The following SLIT2 variants were observed in gnomAD, a reference collection of about 807,000 sequenced individuals.
SLIT2 encodes slit guidance ligand 2, also known as slit homolog 2 protein.
In SLIT2, 41 loss-of-function variants were observed where a neutral mutation model predicts 185.7. The observed-to-expected ratio is 0.22, with a 90% confidence interval of 0.17 to 0.29. The LOEUF (loss-of-function observed/expected upper bound fraction) is 0.29, where lower values mean the gene tolerates loss of function less well. Ranked by LOEUF, SLIT2 falls within the 10% of genes least tolerant of loss-of-function variation. The pLI is 1.00. For synonymous variants in SLIT2, 693 were observed against 680.2 expected (o/e 1.02, Z -0.29); for missense variants, 1,571 against 1,909.0 (o/e 0.82, Z 3.30).
Position 20,253,653 on chromosome 4 carries a change from T to TAAAAAA in SLIT2, c.-163_-162insAAAAAA. 3.0e-6 allele frequency: 2 copies of TAAAAAA among 674,196 alleles called. No individual in the cohort carries two copies. Among genetic ancestry groups the TAAAAAA allele is most frequent in the Non-Finnish European group, 4.6e-6 (2 of 431,646 alleles). 41.8% of individuals were successfully genotyped at this position (674,196 alleles called of 1,614,324 possible). A position where few individuals can be genotyped will look rare whatever the true frequency, so the allele number is the denominator to read the frequency against. On this transcript the variant is annotated 5_prime_UTR_variant, in exon 1 of 37. Coordinates refer to ENST00000504154, the MANE Select transcript of SLIT2 (RefSeq NM_004787.4). Reference sequence around the variant, plus strand: ...GGGCGGTGGGAGGCGTGTGCCTGAGTGGGCTCTACTGCCTTGTTCCATATT... The same window carrying TAAAAAA: ...GGGCGGTGGGAGGCGTGTGCCTGAGTAAAAAAGGGCTCTACTGCCTTGTTCCATATT...
intron 4 of SLIT2, among the ~76,000 whole-genome samples, chr4:20,401,326 AG>A (rs767313543): frequency 2.0e-5 from 3 of 152,018 alleles, no homozygotes; most frequent in South Asian, 4.2e-4. Context: ...TGTTGAAACA[AG>A]TTTTGCTAGC....
intron 18 of SLIT2, 75 bp from the exon 19 acceptor site, chr4:20,539,366 A>G (rs1437902268): frequency 2.3e-6 from 3 of 1,333,128 alleles, no homozygotes; most frequent in East Asian, 4.8e-5. Context: ...TGCAAGGATC[A>G]TTTCGATCCT....
At chr4:20,592,612 A>G (rs1288098214) in intron 30 of SLIT2, among the ~76,000 whole-genome samples, 1 of 152,142 alleles carries the variant, frequency 6.6e-6, no homozygotes, top group Non-Finnish European at 1.5e-5. Flanking sequence ...GCTATGGTGG[A>G]TGTGTTGTTC....
chr4:20,398,384 C>G (rs1459020160), intron 4 of SLIT2, among the ~76,000 whole-genome samples: 1 of 151,684 alleles, frequency 6.6e-6, no homozygotes, highest in Non-Finnish European at 1.5e-5. Flanking sequence ...GAAGCTGGTT[C>G]GAGAGTCCTG....
chr4:20,324,724 A>G (rs1257512736), intron 4 of SLIT2, among the ~76,000 whole-genome samples: 1 of 152,174 alleles, frequency 6.6e-6, no homozygotes, highest in Admixed American at 6.5e-5. Context: ...ACTTCAAAAC[A>G]TCATGTTGTA....
intron 4 of SLIT2, among the ~76,000 whole-genome samples, chr4:20,280,933 A>C (rs1356756321): frequency 1.3e-5 from 2 of 151,152 alleles, no homozygotes; most frequent in South Asian, 4.2e-4. Flanking sequence ...CCTGGGTTCA[A>C]GCGATTCTCC....
intron 4 of SLIT2, among the ~76,000 whole-genome samples, chr4:20,445,022 A>T (rs949159359): frequency 2.0e-5 from 3 of 152,112 alleles, no homozygotes; most frequent in African/African-American, 4.8e-5. Flanking sequence ...TCAATATCTC[A>T]TGCATCAAAT....
chr4:20,560,710 GAC>G (rs1724622734), intron 26 of SLIT2, among the ~76,000 whole-genome samples: 1 of 151,856 alleles, frequency 6.6e-6, no homozygotes, highest in Non-Finnish European at 1.5e-5. Flanking sequence ...TTATTTGAAA[GAC>G]ATTTATTAAA....
intron 4 of SLIT2, among the ~76,000 whole-genome samples, chr4:20,285,511 G>T (rs937138450): frequency 1.1e-4 from 16 of 152,248 alleles, no homozygotes; most frequent in Non-Finnish European, 1.9e-4. Context: ...GCAGCAGGCA[G>T]GCTGTAGGGC....
intron 34 of SLIT2, among the ~76,000 whole-genome samples, chr4:20,611,775 A>C (rs1176523389): frequency 6.6e-6 from 1 of 152,200 alleles, no homozygotes; most frequent in Non-Finnish European, 1.5e-5. Flanking sequence ...GATCTTAGGA[A>C]ATAGGTATGA....
At chr4:20,536,767 TTTACTC>T (rs544280225) in intron 18 of SLIT2, among the ~76,000 whole-genome samples, 116 of 136,930 alleles carry the variant, frequency 8.5e-4, no homozygotes, top group Non-Finnish European at 1.4e-3. Flanking sequence ...TATAAATTTT[TTTACTC>T]TTATATTTAT....
At chr4:20,440,668 C>A (rs1023696486) in intron 4 of SLIT2, among the ~76,000 whole-genome samples, 4 of 152,120 alleles carry the variant, frequency 2.6e-5, no homozygotes, top group Admixed American at 6.5e-5. Flanking sequence ...TTTGAAGTTG[C>A]CATTTTCTCA....
At chr4:20,509,950 C>A (rs1719554612) in intron 9 of SLIT2, among the ~76,000 whole-genome samples, 1 of 152,096 alleles carries the variant, frequency 6.6e-6, no homozygotes, top group Non-Finnish European at 1.5e-5. Flanking sequence ...ATATCTGTAG[C>A]ATATATGGAT....
At chr4:20,505,724 A>G (rs752171773) in intron 9 of SLIT2, among the ~76,000 whole-genome samples, 10 of 152,080 alleles carry the variant, frequency 6.6e-5, no homozygotes, top group Non-Finnish European at 1.5e-5. Context: ...AGCTGCACAT[A>G]ATTAACATAT....
chr4:20,361,141 T>G (rs1325765108), intron 4 of SLIT2, among the ~76,000 whole-genome samples: 2 of 152,178 alleles, frequency 1.3e-5, no homozygotes, highest in Non-Finnish European at 2.9e-5. Flanking sequence ...TAACTATTAT[T>G]AAGGCTCCTT....
chr4:20,533,630 G>T lies in SLIT2; in HGVS notation c.1747G>T (p.Gly583Cys). Residue 583 changes from glycine to cysteine, a missense_variant, in exon 18 of 37, where the codon GGT (glycine) becomes TGT (cysteine). This residue lies in a region of SLIT2 where 1,202 missense variants were observed against 1,416.4 expected (regional missense o/e 0.85). Coordinates refer to ENST00000504154, the MANE Select transcript of SLIT2 (RefSeq NM_004787.4). ...GGAGGGAGCATTTGAAGGAGCATCTGGTGTAAATGAAATACTTCTTACGAG... is the reference window on the plus strand; with the variant it reads ...GGAGGGAGCATTTGAAGGAGCATCTTGTGTAAATGAAATACTTCTTACGAG... ...IEEGAFEGAS[G>C]VNEILLTSNR... 6.2e-7 allele frequency: 1 copy of T among 1,610,960 alleles called. No individual in the cohort carries two copies. Among genetic ancestry groups the T allele is most frequent in the Non-Finnish European group, 8.5e-7 (1 of 1,177,096 alleles).
intron 12 of SLIT2, among the ~76,000 whole-genome samples, chr4:20,519,768 G>A (rs1178340323): frequency 2.0e-5 from 3 of 151,836 alleles, no homozygotes; most frequent in Non-Finnish European, 4.4e-5. Context: ...AGTTGGAACC[G>A]AGAAAAATAT....
Position 20,618,761 on chromosome 4 carries a change from T to G in SLIT2, c.4349-7T>G. ...TTAAAATGCTTGTGCTTTTTGTTCT[T>G]TTCTAGAAATCTCTTGTCGAGGGGA... On this transcript the variant is annotated splice_region_variant and splice_polypyrimidine_tract_variant and intron_variant, in intron 36 of 36. Coordinates refer to ENST00000504154, the MANE Select transcript of SLIT2 (RefSeq NM_004787.4). 1 of 1,577,502 alleles carries G rather than the reference T, an allele frequency of 6.3e-7. No homozygotes were observed. The highest frequency in any genetic ancestry group is 8.7e-7 in the Non-Finnish European group (1 of 1,154,448).
chr4:20,578,509 TA>T (rs527575164), intron 29 of SLIT2, among the ~76,000 whole-genome samples: 3 of 152,148 alleles, frequency 2.0e-5, no homozygotes, highest in African/African-American at 7.2e-5. Context: ...TTATTTCTTA[TA>T]AAAAACAGTT....
Sources: allele counts gnomAD v4.1 joint callset (sites outside exome capture counted in the v4.1 genomes callset), GRCh38; gene constraint gnomAD v4.1.1; regional missense constraint gnomAD v4.1.1; transcripts MANE v1.5; gene names NCBI Gene and HGNC (gene_info 2026-07-23, HGNC 2026-07-21).